ANO4: variants seen among roughly 807,000 people sequenced by gnomAD.
ANO4 encodes the protein anoctamin-4.
Under a neutral mutation model 141.9 loss-of-function variants are expected in ANO4, and 69 were observed. That is an observed-to-expected ratio of 0.49 (90% confidence interval 0.40 to 0.59). The LOEUF (loss-of-function observed/expected upper bound fraction) is 0.59. ANO4 is among the 20% of genes least tolerant of loss of function. The probability of loss-of-function intolerance (pLI) is 0.00; values close to 1 mark genes in which losing one functional copy is unlikely to be tolerated. For missense variants in ANO4, 894 were observed against 1,162.2 expected (o/e 0.77, Z 3.36); for synonymous variants, 350 against 394.3 (o/e 0.89, Z 1.33).
rs2135460163 is a variant in ANO4, at chr12:100,737,312, G to C, written c.107-2542G>C. ...TGCAGGGTTTCAGGAATTGCATTCA[G>C]ACCTGACAATGATCACAGGGTAAGA... On this transcript the variant is annotated intron_variant, in intron 2 of 29. Coordinates refer to the ANO4 transcript ENST00000644049. 2.0e-5 allele frequency among the ~76,000 whole-genome samples: 3 copies of C among 152,270 alleles called. No individual in the cohort carries two copies. In the Middle Eastern group the frequency reaches 0.01, roughly 518 times the overall value.
In ANO4 at chr12:100,875,442, C is replaced by T. The variant is rs115575750; in HGVS notation, c.-140-26204C>T. Among the ~76,000 whole-genome samples, 397 of 152,274 alleles carry T rather than the reference C, an allele frequency of 2.6e-3. 3 individuals carry two copies. The highest frequency in any genetic ancestry group is 8.2e-3 in the African/African-American group (342 of 41,568). ...GTACTACAAGGGAGCCTAGAAATGT[C>T]GTCTAGCTGTGTGTCCAGAGGAAAA... On this transcript the variant is annotated intron_variant, in intron 1 of 27. Transcript: ENST00000392977.
At chr12:100,936,051 G>A (rs894801555) in intron 3 of ANO4, among the ~76,000 whole-genome samples, 4 of 152,162 alleles carry the variant, frequency 2.6e-5, no homozygotes, top group African/African-American at 9.7e-5. Context: ...AAGATACTGA[G>A]AGGCTGGCAA....
intron 3 of ANO4, among the ~76,000 whole-genome samples, chr12:100,785,855 C>T (rs920463167): frequency 1.3e-5 from 2 of 152,064 alleles, no homozygotes; most frequent in African/African-American, 4.8e-5. Context: ...ATTTTGCATT[C>T]CTTCCAGCAA....
chr12:100,767,966 C>T (rs974390461), intron 3 of ANO4, among the ~76,000 whole-genome samples: 1 of 151,964 alleles, frequency 6.6e-6, no homozygotes, highest in African/African-American at 2.4e-5. Flanking sequence ...AGCCTGGACC[C>T]TGGATCTAGT....
At chr12:100,869,500 G>T (rs912713372) in intron 1 of ANO4, among the ~76,000 whole-genome samples, 1 of 152,118 alleles carries the variant, frequency 6.6e-6, no homozygotes, top group South Asian at 2.1e-4. Context: ...ATATTTGTCC[G>T]TGTCTGCCCA....
intron 25 of ANO4, among the ~76,000 whole-genome samples, chr12:101,120,060 T>G (rs1260192296): frequency 6.6e-6 from 1 of 152,224 alleles, no homozygotes; most frequent in Non-Finnish European, 1.5e-5. Context: ...TGAGCTTCAG[T>G]AATGGCCGGA....
intron 11 of ANO4, 90 bp downstream of exon 11, chr12:101,040,166 G>C (rs954417553): frequency 6.8e-7 from 1 of 1,471,834 alleles, no homozygotes; most frequent in Admixed American, 2.1e-5. Context: ...GAAGCAAAAA[G>C]AGCCTGAAGT....
chr12:100,743,197 C>T (rs923476799), intron 3 of ANO4, among the ~76,000 whole-genome samples: 4 of 151,646 alleles, frequency 2.6e-5, no homozygotes, highest in South Asian at 2.1e-4. Context: ...TTTCACAAGA[C>T]GTGATCACAT....
chr12:100,862,996 G>C (rs1167723219), intron 1 of ANO4, among the ~76,000 whole-genome samples: 1 of 152,180 alleles, frequency 6.6e-6, no homozygotes, highest in Admixed American at 6.5e-5. Flanking sequence ...AAGCCTAACT[G>C]ATAAGGTGTT....
intron 3 of ANO4, among the ~76,000 whole-genome samples, chr12:100,785,387 G>T (rs2033841034): frequency 6.6e-6 from 1 of 152,116 alleles, no homozygotes; most frequent in African/African-American, 2.4e-5. Context: ...AATCTCCTGT[G>T]CTCTGCCTGT....
At chr12:101,045,102 G>T (rs2047569539) in intron 13 of ANO4, among the ~76,000 whole-genome samples, 1 of 152,096 alleles carries the variant, frequency 6.6e-6, no homozygotes, top group Non-Finnish European at 1.5e-5. Context: ...TGAGTGCTCA[G>T]ATTTTATAGG....
chr12:101,004,915 G>A (rs944021011), intron 8 of ANO4, among the ~76,000 whole-genome samples: 3 of 152,128 alleles, frequency 2.0e-5, no homozygotes, highest in African/African-American at 7.2e-5. Flanking sequence ...GAAAACAGGG[G>A]GATCATGGAA....
In ANO4 at chr12:100,901,815, T is replaced by G; in HGVS notation, c.30T>G (p.Asn10Lys). The change falls in exon 2 of 28, where the codon AAT (asparagine) becomes AAG (lysine). Residue 10 changes from asparagine (N) to lysine (K), a missense_variant. Around this residue, in one of 2 missense-constraint regions of ANO4, gnomAD observed 257 missense variants for 253.0 expected, o/e 1.02. Coordinates refer to ENST00000392977, the MANE Select transcript of ANO4 (RefSeq NM_001286615.2). ...AGGCAAGCTCTTCTGGAATCACTAA[T>G]GGAAAAACCAAAGTCTTCCACCCAG... is the stretch of plus-strand genomic sequence containing the variant. MEASSSGIT[N>K]GKTKVFHPEG... The G allele has an allele frequency of 6.2e-7, 1 of 1,611,002 alleles. No homozygotes were observed. Among genetic ancestry groups the G allele is most frequent in the Non-Finnish European group, 8.5e-7 (1 of 1,178,996 alleles).
intron 14 of ANO4, among the ~76,000 whole-genome samples, chr12:101,063,972 G>A (rs1200794931): frequency 1.3e-5 from 2 of 151,354 alleles, no homozygotes; most frequent in African/African-American, 2.4e-5. Flanking sequence ...TAAAGAACCA[G>A]CTTTTGGTTT....
intron 3 of ANO4, among the ~76,000 whole-genome samples, chr12:100,933,168 G>T (rs191540928): frequency 6.6e-6 from 1 of 150,920 alleles, no homozygotes; most frequent in African/African-American, 2.4e-5. Context: ...TGTGTACAAC[G>T]TGCAGGTTTG....
intron 3 of ANO4, among the ~76,000 whole-genome samples, chr12:100,744,550 C>T (rs1413155139): frequency 6.6e-6 from 1 of 152,072 alleles, no homozygotes; most frequent in East Asian, 1.9e-4. Context: ...AAGTCCCTAC[C>T]TTCAAATGCC....
rs1593379234 is a variant in ANO4, at chr12:100,806,523, C to CTTTTTTTTTTTTTTTTTTTTTTTT, written c.-141+11496_-141+11497insTTTTTTTTTTTTTTTTTTTTTTTT. Among the ~76,000 whole-genome samples the CTTTTTTTTTTTTTTTTTTTTTTTT allele has an allele frequency of 8.2e-4, 37 of 44,970 alleles. 7 individuals are homozygous for CTTTTTTTTTTTTTTTTTTTTTTTT. The highest frequency in any genetic ancestry group is 0.011 in the Middle Eastern group (1 of 90). The allele number at this position is 44,970 out of a possible 152,430, so 29.5% of individuals were successfully genotyped here. A position where few individuals can be genotyped will look rare whatever the true frequency, so the allele number is the denominator to read the frequency against. ...TTTTTAGGAGGTTTTTTTTTTGTTT[C>CTTTTTTTTTTTTTTTTTTTTTTTT]GTTTTTTTTTTTTTTTTTTTTTTTT... On this transcript the variant is annotated intron_variant, in intron 1 of 27. Transcript: ENST00000392977.
At chr12:101,077,574 T>G (rs2049070893) in intron 14 of ANO4, among the ~76,000 whole-genome samples, 1 of 152,192 alleles carries the variant, frequency 6.6e-6, no homozygotes, top group Admixed American at 6.5e-5. Flanking sequence ...TAGGTGTATC[T>G]TCCTTAACAA....
At chr12:100,873,305 G>C (rs991191700) in intron 1 of ANO4, among the ~76,000 whole-genome samples, 5 of 152,214 alleles carry the variant, frequency 3.3e-5, no homozygotes, top group African/African-American at 4.8e-5. Flanking sequence ...AAAGAGTATG[G>C]AGGGCTCAGA....
Sources: allele counts gnomAD v4.1 joint callset (sites outside exome capture counted in the v4.1 genomes callset), GRCh38; gene constraint gnomAD v4.1.1; regional missense constraint gnomAD v4.1.1; transcripts MANE v1.5; gene names NCBI Gene and HGNC (gene_info 2026-07-23, HGNC 2026-07-21).